The following RBFOX1 variants were observed in gnomAD, a reference collection of about 807,000 sequenced individuals.
The protein encoded by RBFOX1 is RNA binding fox-1 homolog 1, also known as RNA binding protein fox-1 homolog 1.
In RBFOX1, 8 loss-of-function variants were observed where a neutral mutation model predicts 57.7. That is an observed-to-expected ratio of 0.14 (90% CI 0.08 to 0.25). The LOEUF (loss-of-function observed/expected upper bound fraction) is 0.25. RBFOX1 is among the 10% of genes least tolerant of loss of function. RBFOX1 has a pLI of 1.00. For missense variants in RBFOX1, 611 were observed against 548.5 expected (o/e 1.11, Z -1.14); for synonymous variants, 326 against 222.4 (o/e 1.47, Z -4.15).
intron 4 of RBFOX1, among the ~76,000 whole-genome samples, chr16:7,274,619 G>A (rs1260541439): frequency 6.6e-6 from 1 of 151,110 alleles, no homozygotes; most frequent in African/African-American, 2.4e-5. Context: ...AGGGTTGGAT[G>A]AGGTCATTAG....
At chr16:7,630,455 C>T (rs190018194) in intron 10 of RBFOX1, 148 bp from the exon 11 acceptor site, 5 of 1,494,968 alleles carry the variant, frequency 3.3e-6, no homozygotes, top group Admixed American at 2.3e-5. Flanking sequence ...TTGGCTAAGG[C>T]AGGGGGCTTT....
intron 4 of RBFOX1, among the ~76,000 whole-genome samples, chr16:7,435,999 G>A (rs2058297): frequency 0.71 from 108,267 of 152,024 alleles, 39,501 homozygotes; most frequent in Non-Finnish European, 0.79. Flanking sequence ...TCTCTGCGCT[G>A]TGATCTTCAG....
Position 5,725,635 on chromosome 16 carries a change from A to C in RBFOX1, c.318+126674A>C, listed in dbSNP as rs528391911. ...TCTGCTTGAGTCTGCAAGAGTGCTC[A>C]TAAGATCCTCATTTTCCATATAAGG... On this transcript the variant is annotated intron_variant, in intron 3 of 19. Transcript: ENST00000641259. Among the ~76,000 whole-genome samples the C allele has an allele frequency of 6.6e-5, 10 of 151,600 alleles. No homozygotes were observed. The East Asian group carries it at 1.4e-3, about 21-fold the overall frequency.
At chr16:7,417,198 C>T (rs1446969254) in intron 4 of RBFOX1, among the ~76,000 whole-genome samples, 1 of 151,864 alleles carries the variant, frequency 6.6e-6, no homozygotes, top group East Asian at 1.9e-4. Flanking sequence ...GGTGAAACCC[C>T]ATCTCTACTA....
chr16:7,591,995 C>A (rs1424090821), intron 7 of RBFOX1, among the ~76,000 whole-genome samples: 8 of 151,950 alleles, frequency 5.3e-5, no homozygotes, highest in Non-Finnish European at 1.2e-4. Flanking sequence ...ACATTGCAAC[C>A]CTCAGGTGAG....
At chr16:7,654,065 C>G in intron 12 of RBFOX1, 118 bp downstream of exon 12, 1 of 1,097,990 alleles carries the variant, frequency 9.1e-7, no homozygotes, top group African/African-American at 1.6e-5. Flanking sequence ...CCCAGAACCG[C>G]CCCCAGCATG....
intron 3 of RBFOX1, among the ~76,000 whole-genome samples, chr16:5,673,138 A>G (rs1237756938): frequency 6.6e-6 from 1 of 152,132 alleles, no homozygotes; most frequent in Non-Finnish European, 1.5e-5. Context: ...GCTGACACAC[A>G]CAAGCCTTAT....
At chr16:6,118,018 T>A (rs1379487526) in intron 1 of RBFOX1, among the ~76,000 whole-genome samples, 1 of 152,172 alleles carries the variant, frequency 6.6e-6, no homozygotes, top group Non-Finnish European at 1.5e-5. Flanking sequence ...ATTTAAAAAT[T>A]TTTTGAGATA....
intron 1 of RBFOX1, among the ~76,000 whole-genome samples, chr16:6,307,584 A>G (rs913186154): frequency 2.7e-5 from 4 of 148,496 alleles, no homozygotes; most frequent in Non-Finnish European, 4.5e-5. Context: ...ATAATAGAGA[A>G]AATGATATAA....
intron 4 of RBFOX1, among the ~76,000 whole-genome samples, chr16:7,355,626 G>A (rs1046657047): frequency 6.6e-5 from 10 of 152,158 alleles, no homozygotes; most frequent in African/African-American, 2.4e-4. Context: ...ATGTCAGTCT[G>A]TACAGGTCCA....
At chr16:5,514,459 G>C (rs1333851816) in intron 2 of RBFOX1, among the ~76,000 whole-genome samples, 4 of 152,102 alleles carry the variant, frequency 2.6e-5, no homozygotes, top group Admixed American at 6.6e-5. Context: ...TCATCATAAG[G>C]CCAGCCCAGA....
chr16:5,546,077 C>G (rs995788452), intron 2 of RBFOX1, among the ~76,000 whole-genome samples: 1 of 151,926 alleles, frequency 6.6e-6, no homozygotes, highest in South Asian at 2.1e-4. Flanking sequence ...GTAATACTAT[C>G]AAATGAAATA....
chr16:7,220,434 T>C (rs2092637441), intron 4 of RBFOX1, among the ~76,000 whole-genome samples: 2 of 152,242 alleles, frequency 1.3e-5, no homozygotes, highest in South Asian at 4.2e-4. Flanking sequence ...GAGAAAAGTG[T>C]TCATAGGAAC....
At chr16:5,873,839 T>C (rs1421969736) in intron 4 of RBFOX1, among the ~76,000 whole-genome samples, 1 of 151,922 alleles carries the variant, frequency 6.6e-6, no homozygotes, top group Non-Finnish European at 1.5e-5. Context: ...TCAGAGGAGG[T>C]AGTATGCAGA....
intron 3 of RBFOX1, among the ~76,000 whole-genome samples, chr16:5,645,925 T>A (rs1452656044): frequency 6.6e-6 from 1 of 152,222 alleles, no homozygotes; most frequent in Non-Finnish European, 1.5e-5. Context: ...AGCCTCAAAC[T>A]CCTGGGCTCA....
In RBFOX1 at chr16:6,735,664, C is replaced by G. The variant is rs1204557621; in HGVS notation, c.-16+81014C>G. On this transcript the variant is annotated intron_variant, in intron 3 of 15. Transcript: ENST00000550418. ...ATCACAAAATGTTTGGGTAACAATG[C>G]TGAGACTCTCTCAGATCCCTAGGGT... Among the ~76,000 whole-genome samples, 12 of 152,292 alleles carry G rather than the reference C, an allele frequency of 7.9e-5. No homozygotes were observed. The East Asian group carries it at 1.7e-3, about 22-fold the overall frequency.
intron 4 of RBFOX1, among the ~76,000 whole-genome samples, chr16:7,063,056 C>G (rs892414423): frequency 1.3e-5 from 2 of 152,006 alleles, no homozygotes; most frequent in African/African-American, 4.8e-5. Context: ...TAAAAGCCAA[C>G]TCTTCATCAT....
chr16:6,938,404 C>G (rs914637854), intron 3 of RBFOX1, among the ~76,000 whole-genome samples: 1 of 152,080 alleles, frequency 6.6e-6, no homozygotes. Context: ...TAGTAAGGGT[C>G]GGAAAAATGT....
chr16:7,453,431 A>G (rs1336580804), intron 4 of RBFOX1, among the ~76,000 whole-genome samples: 1 of 152,152 alleles, frequency 6.6e-6, no homozygotes, highest in Admixed American at 6.5e-5. Context: ...CTTGCCGGCC[A>G]TGATCGGGAG....
Sources: gnomAD v4.1 joint callset for allele counts (sites outside exome capture counted in the v4.1 genomes callset) on GRCh38, gnomAD v4.1.1 for gene constraint, MANE v1.5 for transcripts, NCBI Gene and HGNC (gene_info 2026-07-23, HGNC 2026-07-21) for gene names.